MDGA2: variants seen among roughly 807,000 people sequenced by gnomAD.
MDGA2 encodes MAM domain-containing glycosylphosphatidylinositol anchor protein 2.
A neutral mutation model predicts 117.8 loss-of-function variants in MDGA2; 40 were observed. That is an observed-to-expected ratio of 0.34 (90% confidence interval 0.26 to 0.44). The LOEUF is 0.44. Ranked by LOEUF, MDGA2 falls within the 20% of genes least tolerant of loss-of-function variation. The probability of loss-of-function intolerance (pLI) is 1.00; values close to 1 mark genes in which losing one functional copy is unlikely to be tolerated. For synonymous variants in MDGA2, 452 were observed against 439.0 expected (o/e 1.03, Z -0.37); for missense variants, 1,123 against 1,250.6 (o/e 0.90, Z 1.54).
At chr14:47,654,936 T>G (rs1271617287) in intron 1 of MDGA2, among the ~76,000 whole-genome samples, 2 of 152,090 alleles carry the variant, frequency 1.3e-5, no homozygotes, top group Non-Finnish European at 2.9e-5. Flanking sequence ...ATTTTTGATG[T>G]GGGAGGACCC....
At chr14:47,182,915 T>A (rs997774120) in intron 3 of MDGA2, among the ~76,000 whole-genome samples, 10 of 152,142 alleles carry the variant, frequency 6.6e-5, no homozygotes, top group African/African-American at 2.4e-4. Flanking sequence ...GTGTTCTCAC[T>A]CTTTACAGAA....
chr14:47,625,715 G>C (rs1897127967), intron 1 of MDGA2, among the ~76,000 whole-genome samples: 1 of 152,140 alleles, frequency 6.6e-6, no homozygotes, highest in Admixed American at 6.5e-5. Flanking sequence ...CCTACGTCAA[G>C]TCTTACCAAT....
intron 1 of MDGA2, among the ~76,000 whole-genome samples, chr14:47,355,040 T>C (rs1890963280): frequency 6.6e-6 from 1 of 152,090 alleles, no homozygotes; most frequent in Non-Finnish European, 1.5e-5. Flanking sequence ...AGATATGTTT[T>C]TAAAAGAAGG....
In MDGA2 at chr14:47,335,264, GA is replaced by G. The variant is rs753734207; in HGVS notation, c.281-33715del. 7.3e-3 allele frequency among the ~76,000 whole-genome samples: 339 copies of G among 46,312 alleles called. 2 individuals are homozygous for G. Among genetic ancestry groups the G allele is most frequent in the Middle Eastern group, 0.029 (2 of 70 alleles). The allele number at this position is 46,312 out of a possible 152,430, so 30.4% of individuals were successfully genotyped here. A position where few individuals can be genotyped will look rare whatever the true frequency, so the allele number is the denominator to read the frequency against. ...ATTATTTGGTGATCAGTACTACACA[GA>G]AAAAAAAAAAGTATATGGTAAAAAA... On this transcript the variant is annotated intron_variant, in intron 1 of 16. Coordinates refer to ENST00000399232, the MANE Select transcript of MDGA2 (RefSeq NM_001113498.3).
intron 1 of MDGA2, among the ~76,000 whole-genome samples, chr14:47,494,981 CAGT>C (rs1403794580): frequency 3.3e-5 from 5 of 151,142 alleles, no homozygotes; most frequent in Non-Finnish European, 2.9e-5. Context: ...CACATTTATT[CAGT>C]AGTATTCTAT....
At chr14:46,938,540 CAAAAAAAAA>C (rs71112472) in intron 9 of MDGA2, among the ~76,000 whole-genome samples, 1 of 27,010 alleles carries the variant, frequency 3.7e-5, no homozygotes, top group Admixed American at 5.5e-4. Flanking sequence ...AAATCCATCT[CAAAAAAAAA>C]AAAAAAAAAA....
chr14:47,619,215 T>A lies in MDGA2; in HGVS notation c.280+55302A>T, dbSNP rs1023145452. 3.5e-4 allele frequency among the ~76,000 whole-genome samples: 53 copies of A among 152,084 alleles called. 1 individual carries two copies. Among genetic ancestry groups the A allele is most frequent in the Admixed American group, 3.4e-3 (52 of 15,254 alleles). ...AATGTCTATACCGCACCTAGCATTG[T>A]GTTAGATACTACTAACTAGACAATC... On this transcript the variant is annotated intron_variant, in intron 1 of 16. Transcript: ENST00000399232.
At chr14:47,378,207 T>G (rs1462867539) in intron 1 of MDGA2, among the ~76,000 whole-genome samples, 1 of 152,096 alleles carries the variant, frequency 6.6e-6, no homozygotes, top group Non-Finnish European at 1.5e-5. Context: ...ACCCCATCTG[T>G]ACATCACCAT....
chr14:47,058,476 T>C, intron 7 of MDGA2: 1 of 963,696 alleles, frequency 1.0e-6, no homozygotes, highest in Non-Finnish European at 1.2e-6. Context: ...TTGTGTGAAT[T>C]TCCTCAGTAT....
chr14:47,095,365 G>C (rs957204099), intron 6 of MDGA2, among the ~76,000 whole-genome samples: 1 of 151,858 alleles, frequency 6.6e-6, no homozygotes, highest in Non-Finnish European at 1.5e-5. Flanking sequence ...ATATCGTATA[G>C]AAAACCATGA....
chr14:47,199,750 T>C (rs1306828445), intron 3 of MDGA2, among the ~76,000 whole-genome samples: 2 of 152,174 alleles, frequency 1.3e-5, no homozygotes, highest in African/African-American at 4.8e-5. Flanking sequence ...TCCTCCACTA[T>C]TTTTTCAGCT....
chr14:47,659,719 T>C (rs983840468), intron 1 of MDGA2, among the ~76,000 whole-genome samples: 1 of 152,144 alleles, frequency 6.6e-6, no homozygotes, highest in African/African-American at 2.4e-5. Flanking sequence ...ATGCAAAAAT[T>C]GGAAGCAGAG....
At chr14:46,904,397 GA>G (rs1473314019) in intron 10 of MDGA2, among the ~76,000 whole-genome samples, 1 of 148,518 alleles carries the variant, frequency 6.7e-6, no homozygotes, top group Non-Finnish European at 1.5e-5. Context: ...TTAAATATTT[GA>G]TTAAGAAATT....
chr14:46,877,262 A>T (rs1223942474), intron 12 of MDGA2, among the ~76,000 whole-genome samples: 1 of 151,696 alleles, frequency 6.6e-6, no homozygotes, highest in Non-Finnish European at 1.5e-5. Flanking sequence ...CCATATTTCA[A>T]TATTTAGGAA....
At chr14:47,527,220 T>C (rs972626228) in intron 1 of MDGA2, among the ~76,000 whole-genome samples, 25 of 152,222 alleles carry the variant, frequency 1.6e-4, no homozygotes, top group Admixed American at 9.8e-4. Context: ...ATTTTGTTTT[T>C]TACTTCTGAC....
At chr14:47,150,766 A>T (rs1350059564) in intron 3 of MDGA2, among the ~76,000 whole-genome samples, 3 of 151,986 alleles carry the variant, frequency 2.0e-5, no homozygotes, top group Non-Finnish European at 4.4e-5. Flanking sequence ...TCTACTAAAA[A>T]TATAAAAATT....
intron 7 of MDGA2, 73 bp downstream of exon 7, chr14:47,061,176 A>C: frequency 7.3e-7 from 1 of 1,365,988 alleles, no homozygotes; most frequent in Non-Finnish European, 1.0e-6. Flanking sequence ...TTTAACTAAA[A>C]CCTACTTGAT....
At chr14:46,972,868 G>C (rs1043414363) in intron 8 of MDGA2, among the ~76,000 whole-genome samples, 3 of 151,980 alleles carry the variant, frequency 2.0e-5, no homozygotes. Context: ...TATTTGCCAA[G>C]ACATACTAAT....
intron 1 of MDGA2, among the ~76,000 whole-genome samples, chr14:47,325,633 G>T (rs953452424): frequency 2.0e-5 from 3 of 152,164 alleles, no homozygotes; most frequent in Admixed American, 2.0e-4. Context: ...AATTGAATGT[G>T]ACCTGAGCTT....
Sources: allele counts gnomAD v4.1 joint callset (sites outside exome capture counted in the v4.1 genomes callset), GRCh38; gene constraint gnomAD v4.1.1; transcripts MANE v1.5; gene names NCBI Gene and HGNC (gene_info 2026-07-23, HGNC 2026-07-21).